ADARB2: variants seen among roughly 807,000 people sequenced by gnomAD.
ADARB2 encodes adenosine deaminase RNA specific B2 (inactive).
A neutral mutation model predicts 62.2 loss-of-function variants in ADARB2; 25 were observed. The observed-to-expected ratio is 0.40, with a 90% CI of 0.29 to 0.56. The LOEUF (loss-of-function observed/expected upper bound fraction) is 0.56. ADARB2 is among the 20% of genes least tolerant of loss of function. ADARB2 has a pLI of 0.43. For missense variants in ADARB2, 1,071 were observed against 1,077.4 expected (o/e 0.99, Z 0.08); for synonymous variants, 572 against 500.8 (o/e 1.14, Z -1.90).
rs1028635628 is a variant in ADARB2, at chr10:1,363,293, G to A, written c.812C>T (p.Pro271Leu). 2.4e-6 allele frequency: 3 copies of A among 1,233,902 alleles called. No individual in the cohort carries two copies. The highest frequency in any genetic ancestry group is 3.3e-5 in the East Asian group (1 of 30,090). The allele number at this position is 1,233,902 out of a possible 1,614,324, so 76.4% of individuals were successfully genotyped here. A position where few individuals can be genotyped will look rare whatever the true frequency, so the allele number is the denominator to read the frequency against. ...LDLVGPTPATPAAPGERNPVV... is the reference protein window; with the variant it reads ...LDLVGPTPATLAAPGERNPVV... ...GGGGTTGCGCTCGCCCGGGGCCGCGGGGGTGGCGGGGGTCGGGCCCACCAG... is the reference window on the plus strand; with the variant it reads ...GGGGTTGCGCTCGCCCGGGGCCGCGAGGGTGGCGGGGGTCGGGCCCACCAG... Residue 271 changes from proline to leucine, a missense_variant, in exon 3 of 10, where the codon CCC (proline) becomes CTC (leucine). Coordinates refer to ENST00000381312, the MANE Select transcript of ADARB2 (RefSeq NM_018702.4).
intron 1 of ADARB2, among the ~76,000 whole-genome samples, chr10:1,485,725 G>A (rs1351408192): frequency 6.6e-6 from 1 of 152,202 alleles, no homozygotes; most frequent in African/African-American, 2.4e-5. Context: ...GAAGGCTTAG[G>A]CTTTGCAGAA....
chr10:1,189,913 G>A (rs912238641), intron 8 of ADARB2, among the ~76,000 whole-genome samples: 2 of 143,160 alleles, frequency 1.4e-5, no homozygotes, highest in South Asian at 2.2e-4. Flanking sequence ...CCCAGAACAC[G>A]TGGCGCTACC....
At chr10:1,591,843 G>C (rs1167766938) in intron 1 of ADARB2, among the ~76,000 whole-genome samples, 1 of 152,222 alleles carries the variant, frequency 6.6e-6, no homozygotes, top group Non-Finnish European at 1.5e-5. Context: ...CAATCTCTGT[G>C]TAGCGCTGGT....
intron 1 of ADARB2, among the ~76,000 whole-genome samples, chr10:1,453,068 G>C (rs1487974699): frequency 1.3e-5 from 2 of 152,186 alleles, no homozygotes; most frequent in Non-Finnish European, 2.9e-5. Flanking sequence ...CCCTGGGTCT[G>C]TGACGCCTAG....
rs145075643 is a variant in ADARB2 at position 1,322,785 on chromosome 10, A to G, written c.1077+40243T>C. 3.4e-3 allele frequency among the ~76,000 whole-genome samples: 512 copies of G among 152,346 alleles called. 2 individuals carry two copies. Among genetic ancestry groups the G allele is most frequent in the African/African-American group, 0.012 (489 of 41,590 alleles). ...AGGTATGGCATTTATAATTATTTCT[A>G]CCCAAGTTACTTAAGGAAAAAACAT... On this transcript the variant is annotated intron_variant, in intron 3 of 9. Transcript: ENST00000381312.
In ADARB2 at chr10:1,622,255, G is replaced by GA. The variant is rs1023814042; in HGVS notation, c.100+114795dup. The stretch of plus-strand genomic sequence containing the variant: ...TTTTAAAACTCCTAGAAGAAAACAG[G>GA]AAAAAATCTTTATTAGCTTGAATTT... On this transcript the variant is annotated intron_variant, in intron 1 of 9. Coordinates refer to ENST00000381312, the MANE Select transcript of ADARB2 (RefSeq NM_018702.4). Among the ~76,000 whole-genome samples the GA allele has an allele frequency of 3.3e-4, 50 of 152,068 alleles. 2 individuals are homozygous for GA. The highest frequency in any genetic ancestry group is 2.9e-3 in the Admixed American group (44 of 15,270).
At chr10:1,317,796 C>T (rs78149199) in intron 3 of ADARB2, among the ~76,000 whole-genome samples, 3,568 of 151,802 alleles carry the variant, frequency 0.024, 84 homozygotes, top group East Asian at 0.11. Context: ...CTCTGTGGGC[C>T]GGCCACGCCC....
chr10:1,651,315 C>A (rs1451550056), intron 1 of ADARB2, among the ~76,000 whole-genome samples: 3 of 152,260 alleles, frequency 2.0e-5, no homozygotes, highest in Admixed American at 6.5e-5. Context: ...TCGGCGAAGG[C>A]CCCATCTGGG....
At chr10:1,633,584 C>CTATCTATCTA (rs1833875782) in intron 1 of ADARB2, among the ~76,000 whole-genome samples, 1 of 144,946 alleles carries the variant, frequency 6.9e-6, no homozygotes, top group Non-Finnish European at 1.5e-5. Context: ...ATCTATCTAT[C>CTATCTATCTA]TATCTATCTA....
chr10:1,468,222 C>T (rs113030195), intron 1 of ADARB2, among the ~76,000 whole-genome samples: 3,591 of 152,206 alleles, frequency 0.024, 108 homozygotes, highest in African/African-American at 0.075. Flanking sequence ...CAGCCAAGCC[C>T]GGTTGCCTCT....
chr10:1,380,173 C>A (rs901490708), intron 1 of ADARB2, among the ~76,000 whole-genome samples: 1 of 152,202 alleles, frequency 6.6e-6, no homozygotes, highest in Non-Finnish European at 1.5e-5. Flanking sequence ...CCAGCCCGCA[C>A]GGTTCACATG....
chr10:1,572,276 TGTGA>T lies in ADARB2; in HGVS notation c.100+164771_100+164774del, dbSNP rs1832952922. On this transcript the variant is annotated intron_variant, in intron 1 of 9. Transcript: ENST00000381312. ...GTGTGCTGGTGAGAAGGCAGGTGAG[TGTGA>T]AGATGAGTGAACAGGTGAGCTTGCA... Among the ~76,000 whole-genome samples, 5 of 151,708 alleles carry T rather than the reference TGTGA, an allele frequency of 3.3e-5. No individual in the cohort carries two copies. The South Asian group carries it at 1.0e-3, about 32-fold the overall frequency.
At chr10:1,447,196 A>T (rs184117259) in intron 1 of ADARB2, among the ~76,000 whole-genome samples, 1 of 152,368 alleles carries the variant, frequency 6.6e-6, no homozygotes, top group East Asian at 1.9e-4. Flanking sequence ...GGCTTAGAGC[A>T]GCATAGCTAG....
At chr10:1,586,401 G>A (rs775082640) in intron 1 of ADARB2, among the ~76,000 whole-genome samples, 4 of 152,224 alleles carry the variant, frequency 2.6e-5, no homozygotes, top group Non-Finnish European at 5.9e-5. Flanking sequence ...CCTGAGAGCA[G>A]CTGGCGGGAT....
intron 1 of ADARB2, among the ~76,000 whole-genome samples, chr10:1,622,926 C>T (rs1833722825): frequency 1.3e-5 from 2 of 152,258 alleles, no homozygotes; most frequent in South Asian, 2.1e-4. Context: ...ACACCACAAA[C>T]GTCCATCAAC....
chr10:1,280,611 G>A (rs541294290), intron 3 of ADARB2, among the ~76,000 whole-genome samples: 15 of 152,068 alleles, frequency 9.9e-5, no homozygotes, highest in Admixed American at 2.0e-4. Context: ...GTGATGCTCC[G>A]TGAAATTCCT....
chr10:1,698,053 A>G (rs957898439), intron 1 of ADARB2, among the ~76,000 whole-genome samples: 4 of 152,146 alleles, frequency 2.6e-5, no homozygotes, highest in African/African-American at 9.7e-5. Flanking sequence ...TGGGTTTCCA[A>G]TGGTTACATA....
intron 1 of ADARB2, among the ~76,000 whole-genome samples, chr10:1,428,430 G>A (rs1371523650): frequency 6.6e-6 from 1 of 151,890 alleles, no homozygotes; most frequent in African/African-American, 2.4e-5. Context: ...GGGACTACAG[G>A]CACCCATCAC....
chr10:1,674,387 T>G (rs1383364779), intron 1 of ADARB2, among the ~76,000 whole-genome samples: 1 of 152,200 alleles, frequency 6.6e-6, no homozygotes, highest in Non-Finnish European at 1.5e-5. Flanking sequence ...TGGACTTCCT[T>G]GGTCGGCATT....
Sources: allele counts gnomAD v4.1 joint callset (sites outside exome capture counted in the v4.1 genomes callset), GRCh38; gene constraint gnomAD v4.1.1; transcripts MANE v1.5; gene names NCBI Gene and HGNC (gene_info 2026-07-23, HGNC 2026-07-21).